The following PRKDC variants were observed in gnomAD, a reference collection of about 807,000 sequenced individuals.
The protein encoded by PRKDC is protein kinase, DNA-activated, catalytic subunit, also known as DNA-dependent protein kinase catalytic subunit.
PRKDC carries 82 observed loss-of-function variants against 486.9 expected under a neutral mutation model. The observed-to-expected ratio is 0.17, with a 90% confidence interval of 0.14 to 0.20. The LOEUF (loss-of-function observed/expected upper bound fraction) is 0.20, where lower values mean the gene tolerates loss of function less well. Ranked by LOEUF, PRKDC falls within the 10% of genes least tolerant of loss-of-function variation. PRKDC has a pLI of 1.00. For synonymous variants in PRKDC, 1,895 were observed against 1,837.0 expected (o/e 1.03, Z -0.81); for missense variants, 4,504 against 5,038.2 (o/e 0.89, Z 3.21).
intron 60 of PRKDC, among the ~76,000 whole-genome samples, chr8:47,831,048 G>A (rs976840370): frequency 6.6e-6 from 1 of 152,224 alleles, no homozygotes; most frequent in Non-Finnish European, 1.5e-5. Context: ...GTCTCACTGA[G>A]AACGAGGCCG....
At chr8:47,779,193 G>A in intron 80 of PRKDC, 100 bp from the exon 81 acceptor site, 2 of 828,386 alleles carry the variant, frequency 2.4e-6, no homozygotes, top group Non-Finnish European at 1.9e-6. Context: ...ATAGCAAAGA[G>A]GCAGGAAAAA....
At chr8:47,814,028 A>T (rs1563747946) in intron 68 of PRKDC, among the ~76,000 whole-genome samples, 1 of 152,270 alleles carries the variant, frequency 6.6e-6, no homozygotes, top group Non-Finnish European at 1.5e-5. Context: ...TTAAGGGATC[A>T]TCATGACCGT....
chr8:47,813,011 A>G (rs937594189), intron 68 of PRKDC, among the ~76,000 whole-genome samples: 1 of 152,016 alleles, frequency 6.6e-6, no homozygotes, highest in Non-Finnish European at 1.5e-5. Context: ...AAAACAAATA[A>G]AGAAGGCAGA....
rs1037939393 is a variant in PRKDC, at chr8:47,857,864, C to A, written c.6466-565G>T. Among the ~76,000 whole-genome samples the A allele has an allele frequency of 2.0e-5, 3 of 152,296 alleles. No homozygotes were observed. The South Asian group carries it at 6.2e-4, about 32-fold the overall frequency. On this transcript the variant is annotated intron_variant, in intron 48 of 85. Transcript: ENST00000314191. ...CCAAGTGGATGGTGTCACCCCACCA[C>A]TTAGTGCCCTTAGTGGTTCCCTGGT...
chr8:47,854,387 G>C (rs1355639083), intron 50 of PRKDC, among the ~76,000 whole-genome samples, 173 bp from the exon 51 acceptor site: 2 of 152,144 alleles, frequency 1.3e-5, no homozygotes, highest in Non-Finnish European at 1.5e-5. Flanking sequence ...GCCCAGGCTG[G>C]AGTGCAGTTG....
At chr8:47,913,014 A>G (rs2089930454) in intron 24 of PRKDC, among the ~76,000 whole-genome samples, 1 of 152,216 alleles carries the variant, frequency 6.6e-6, no homozygotes, top group African/African-American at 2.4e-5. Flanking sequence ...GAGAAATTCT[A>G]TTGGCTCAAT....
chr8:47,774,424 C>A, intron 85 of PRKDC, 47 bp from the exon 86 acceptor site: 1 of 1,559,226 alleles, frequency 6.4e-7, no homozygotes, highest in South Asian at 1.2e-5. Context: ...TGTCATTGTC[C>A]TTTGTTGCCT....
In PRKDC at chr8:47,858,909, C is replaced by A. The variant is rs767858150; in HGVS notation, c.6285G>T (p.Ala2095=). 1.2e-6 allele frequency: 2 copies of A among 1,613,614 alleles called. No homozygotes were observed. Among genetic ancestry groups the A allele is most frequent in the Non-Finnish European group, 1.7e-6 (2 of 1,179,888 alleles). The change falls in exon 47 of 86, where the codon GCG becomes GCT. Residue 2095 remains alanine (A), a synonymous_variant. Coordinates refer to ENST00000314191, the MANE Select transcript of PRKDC (RefSeq NM_006904.7). ...TGTGCTTGACCAGGGCCGTCAGGGG[C>A]GCCATGCACTCATGCCGATTGAGCT... ...MDELNRHECM[A]PLTALVKHMH...
In PRKDC at chr8:47,902,636, G is replaced by C; in HGVS notation, c.3202C>G (p.Leu1068Val). Residue 1068 changes from leucine (L) to valine (V), a missense_variant, in exon 27 of 86, where the codon CTT becomes GTT. Physicochemically the swap from Leu to Val is conservative, Grantham distance 32. Around this residue, in one of 6 missense-constraint regions of PRKDC, gnomAD observed 1,969 missense variants for 2,068.9 expected, o/e 0.95. Coordinates refer to ENST00000314191, the MANE Select transcript of PRKDC (RefSeq NM_006904.7). ...AGCCTCTTGAAAGCATTGGGGTGAAGCGCAAGGCTATAAAGTCGCTTGAAA... is the reference window on the plus strand; with the variant it reads ...AGCCTCTTGAAAGCATTGGGGTGAACCGCAAGGCTATAAAGTCGCTTGAAA... ...SLFKRLYSLA[L>V]HPNAFKRLGA... 1 of 1,613,442 alleles carries C rather than the reference G, an allele frequency of 6.2e-7. No individual in the cohort carries two copies. Among genetic ancestry groups the C allele is most frequent in the East Asian group, 2.2e-5 (1 of 44,870 alleles).
chr8:47,787,112 T>C (rs1468794859), intron 76 of PRKDC, among the ~76,000 whole-genome samples: 1 of 152,218 alleles, frequency 6.6e-6, no homozygotes, highest in Non-Finnish European at 1.5e-5. Flanking sequence ...TCTACTCAGA[T>C]ATTTACTTGA....
At chr8:47,828,042 G>T in intron 62 of PRKDC, 126 bp downstream of exon 62, 1 of 883,600 alleles carries the variant, frequency 1.1e-6, no homozygotes, top group Non-Finnish European at 1.6e-6. Flanking sequence ...AACCCAAATA[G>T]TACATCTTAC....
intron 39 of PRKDC, among the ~76,000 whole-genome samples, chr8:47,878,074 G>A (rs1178112872): frequency 1.3e-5 from 2 of 150,216 alleles, no homozygotes; most frequent in Non-Finnish European, 3.0e-5. Context: ...TATATACTGA[G>A]CCTAGATTCT....
intron 40 of PRKDC, among the ~76,000 whole-genome samples, chr8:47,868,786 T>C (rs1278592373): frequency 2.6e-5 from 4 of 152,136 alleles, no homozygotes; most frequent in Non-Finnish European, 4.4e-5. Context: ...CTAAGAAAGA[T>C]AGTCTTCAAT....
chr8:47,882,554 C>T (rs886264819), intron 36 of PRKDC, among the ~76,000 whole-genome samples: 8 of 152,180 alleles, frequency 5.3e-5, no homozygotes, highest in Admixed American at 2.0e-4. Context: ...CACATACTTC[C>T]GGTCCCACCA....
rs1280685331 is a variant in PRKDC, at chr8:47,782,302, C to G, written c.11397-48G>C. 1 of 1,611,620 alleles carries G rather than the reference C, an allele frequency of 6.2e-7. No individual in the cohort carries two copies. The highest frequency in any genetic ancestry group is 8.5e-7 in the Non-Finnish European group (1 of 1,177,790). ...AACGAGTAAACCCAAACTGCTCTTT[C>G]TTCACTAGAAAAACAGTCCCGTGGA... On this transcript the variant is annotated intron_variant, in intron 79 of 85. Transcript: ENST00000314191. This position sits in a 1 kb window ranked among gnomAD's most constrained non-coding sequence, Gnocchi z 4.9.
intron 68 of PRKDC, among the ~76,000 whole-genome samples, chr8:47,813,638 C>T (rs919786339): frequency 2.0e-5 from 3 of 151,836 alleles, no homozygotes; most frequent in Non-Finnish European, 2.9e-5. Flanking sequence ...TGCAATGGTA[C>T]GATCTTGCCT....
Position 47,778,664 on chromosome 8 carries a change from C to A in PRKDC, c.11652-4G>T. 2 of 1,613,350 alleles carry A rather than the reference C, an allele frequency of 1.2e-6. No individual in the cohort carries two copies. The highest frequency in any genetic ancestry group is 1.7e-6 in the Non-Finnish European group (2 of 1,179,606). On this transcript the variant is annotated splice_polypyrimidine_tract_variant and splice_region_variant and intron_variant, in intron 82 of 85. Transcript: ENST00000314191. ...ACTCATCCTCACGAAGGCCCGCCTA[C>A]AAAAGAGACACAGCTGTGCGGCTGC...
intron 71 of PRKDC, among the ~76,000 whole-genome samples, chr8:47,800,124 C>T (rs903322320): frequency 1.3e-5 from 2 of 151,000 alleles, no homozygotes; most frequent in Non-Finnish European, 1.5e-5. Context: ...ACCCAAAGGA[C>T]TATAAATCAT....
At chr8:47,826,961 T>C (rs1359743029) in intron 62 of PRKDC, 100 bp from the exon 63 acceptor site, 2 of 1,136,014 alleles carry the variant, frequency 1.8e-6, no homozygotes, top group East Asian at 5.3e-5. Flanking sequence ...GGTACCCATG[T>C]GGGTAGTGAT....
Sources: gnomAD v4.1 joint callset for allele counts (sites outside exome capture counted in the v4.1 genomes callset) on GRCh38, gnomAD v4.1.1 for gene constraint, gnomAD v4.1.1 regional missense constraint, Gnocchi (gnomAD v3.1) non-coding constraint, MANE v1.5 for transcripts, NCBI Gene and HGNC (gene_info 2026-07-23, HGNC 2026-07-21) for gene names.